The following SLC24A2 variants were observed in gnomAD, a reference collection of about 807,000 sequenced individuals.
The protein encoded by SLC24A2 is sodium/potassium/calcium exchanger 2.
In SLC24A2, 36 loss-of-function variants were observed where a neutral mutation model predicts 62.0. The ratio of observed to expected loss-of-function variants is 0.58; its 90% CI spans 0.44 to 0.77. The LOEUF is 0.77. Among genes scored for constraint, SLC24A2 ranks in the 30% least tolerant of loss-of-function variants. The pLI, the probability that SLC24A2 is intolerant of heterozygous loss-of-function variation, is 0.00. For synonymous variants in SLC24A2, 358 were observed against 294.0 expected (o/e 1.22, Z -2.23); for missense variants, 846 against 817.9 (o/e 1.03, Z -0.42).
At chr9:19,977,319 T>C in the SLC24A2 span, among the ~76,000 whole-genome samples, 1 of 152,082 alleles carries the variant, frequency 6.6e-6, no homozygotes, top group Non-Finnish European at 1.5e-5. Context: ...TTCAATGAAA[T>C]ACTCACAACT....
the SLC24A2 span, among the ~76,000 whole-genome samples, chr9:20,043,527 G>C: frequency 1.6e-4 from 24 of 152,290 alleles, no homozygotes; most frequent in South Asian, 5.0e-3. Flanking sequence ...ATTCATACCA[G>C]GAGATCAAAA....
At chr9:19,779,411 C>T (rs1299244273) in intron 2 of SLC24A2, among the ~76,000 whole-genome samples, 2 of 152,172 alleles carry the variant, frequency 1.3e-5, no homozygotes, top group Non-Finnish European at 2.9e-5. Context: ...GGATGGTAGT[C>T]TTTCAACAGC....
chr9:19,925,581 A>G, the SLC24A2 span, among the ~76,000 whole-genome samples: 12 of 152,170 alleles, frequency 7.9e-5, 1 homozygote, highest in East Asian at 7.7e-4. Flanking sequence ...AACTTCAAAT[A>G]TTTCGTATTT....
the SLC24A2 span, among the ~76,000 whole-genome samples, chr9:19,823,299 G>C: frequency 2.0e-4 from 1 of 4,968 alleles, no homozygotes; most frequent in Non-Finnish European, 2.8e-3. Flanking sequence ...TATTAACATT[G>C]TGTGTGTGTG....
intron 1 of SLC24A2, chr9:19,788,615 A>C: frequency 1.0e-6 from 1 of 985,420 alleles, no homozygotes; most frequent in Non-Finnish European, 1.2e-6. Context: ...GGGGAATGGA[A>C]GCGCCCCTCT....
chr9:19,801,893 CAGA>C, the SLC24A2 span, among the ~76,000 whole-genome samples: 2 of 152,106 alleles, frequency 1.3e-5, no homozygotes, highest in Non-Finnish European at 2.9e-5. Flanking sequence ...AAGAACATAT[CAGA>C]CTGCAGTAGA....
chr9:19,625,221 T>C (rs1818003983), intron 2 of SLC24A2, among the ~76,000 whole-genome samples: 1 of 152,190 alleles, frequency 6.6e-6, no homozygotes, highest in East Asian at 1.9e-4. Context: ...AAAATACCAC[T>C]CATTTGGGCT....
At chr9:19,865,184 G>C in the SLC24A2 span, among the ~76,000 whole-genome samples, 1 of 151,886 alleles carries the variant, frequency 6.6e-6, no homozygotes, top group Admixed American at 6.6e-5. Flanking sequence ...AAATTGAAGA[G>C]GACACCAGAA....
chr9:19,779,323 G>A (rs1822940836), intron 2 of SLC24A2, among the ~76,000 whole-genome samples: 1 of 152,132 alleles, frequency 6.6e-6, no homozygotes, highest in Admixed American at 6.5e-5. Flanking sequence ...TAAGGAAAAT[G>A]CCAAACACTC....
the SLC24A2 span, among the ~76,000 whole-genome samples, chr9:19,912,048 C>T: frequency 3.9e-5 from 6 of 152,206 alleles, no homozygotes; most frequent in South Asian, 1.2e-3. Flanking sequence ...TTTAAAGCCA[C>T]TGCATAGCTT....
chr9:19,524,440 G>C (rs1394843085), intron 9 of SLC24A2, among the ~76,000 whole-genome samples: 1 of 136,908 alleles, frequency 7.3e-6, no homozygotes, highest in Non-Finnish European at 1.6e-5. Context: ...AAAAAGCCAA[G>C]GGCAAATTAT....
chr9:19,893,897 G>A, the SLC24A2 span, among the ~76,000 whole-genome samples: 1 of 152,174 alleles, frequency 6.6e-6, no homozygotes, highest in South Asian at 2.1e-4. Context: ...GATGGCTGCA[G>A]TGGGTCACCA....
At chr9:19,794,008 G>T (rs971905999), upstream of SLC24A2, among the ~76,000 whole-genome samples, 4 of 152,124 alleles carry the variant, frequency 2.6e-5, no homozygotes, top group South Asian at 4.1e-4. Flanking sequence ...CTCATTTTTT[G>T]TCTGGTGGCT....
At chr9:20,081,655 C>A in the SLC24A2 span, among the ~76,000 whole-genome samples, 1 of 151,940 alleles carries the variant, frequency 6.6e-6, no homozygotes, top group Admixed American at 6.6e-5. Context: ...AGAAATGGAA[C>A]CTGTAGGTCA....
the SLC24A2 span, among the ~76,000 whole-genome samples, chr9:20,232,673 T>A: frequency 6.6e-6 from 1 of 152,194 alleles, no homozygotes; most frequent in Admixed American, 6.5e-5. Context: ...TTGTTGATCC[T>A]TTCAAAAAAC....
chr9:19,552,644 A>G (rs1203771255), intron 7 of SLC24A2, among the ~76,000 whole-genome samples: 1 of 152,136 alleles, frequency 6.6e-6, no homozygotes, highest in Non-Finnish European at 1.5e-5. Context: ...TACCATCCAC[A>G]ATCTAGCAAC....
At chr9:19,815,024 C>A in the SLC24A2 span, among the ~76,000 whole-genome samples, 4 of 152,088 alleles carry the variant, frequency 2.6e-5, no homozygotes, top group Non-Finnish European at 5.9e-5. Flanking sequence ...GATTGGTCTG[C>A]AATTTGGGAT....
chr9:19,671,237 T>C (rs1219895090), intron 2 of SLC24A2, among the ~76,000 whole-genome samples: 1 of 151,904 alleles, frequency 6.6e-6, no homozygotes, highest in East Asian at 2.0e-4. Flanking sequence ...CAGTGTTTCA[T>C]AGTTTTCCTT....
At chr9:19,951,166 T>TG in the SLC24A2 span, among the ~76,000 whole-genome samples, 2 of 152,096 alleles carry the variant, frequency 1.3e-5, no homozygotes, top group Non-Finnish European at 2.9e-5. Context: ...ATAGAACTTT[T>TG]GGGGAAGTGT....
Sources: allele counts gnomAD v4.1 joint callset (sites outside exome capture counted in the v4.1 genomes callset), GRCh38; gene constraint gnomAD v4.1.1; transcripts MANE v1.5; gene names NCBI Gene and HGNC (gene_info 2026-07-23, HGNC 2026-07-21).